Variants in RAB33B observed in about 807,000 individuals in gnomAD.
The protein encoded by RAB33B is RAB33B, member RAS oncogene family.
In RAB33B, 6 loss-of-function variants were observed where a neutral mutation model predicts 15.0. That is an observed-to-expected ratio of 0.40 (90% CI 0.22 to 0.79). The LOEUF (loss-of-function observed/expected upper bound fraction) is 0.79, where lower values mean the gene tolerates loss of function less well. Among genes scored for constraint, RAB33B ranks in the 30% least tolerant of loss-of-function variants. RAB33B has a pLI of 0.37. For synonymous variants in RAB33B, 117 were observed against 108.3 expected, an observed-to-expected ratio of 1.08 and a Z score of -0.50; for missense variants, 257 against 296.4, an observed-to-expected ratio of 0.87 and a Z score of 0.98.
intron 1 of RAB33B, among the ~76,000 whole-genome samples, chr4:139,454,901 T>C (rs1009012345): frequency 6.6e-6 from 1 of 152,254 alleles, no homozygotes; most frequent in African/African-American, 2.4e-5. Context: ...CCTTAGATGT[T>C]GTGGAAGTAA....
intron 1 of RAB33B, among the ~76,000 whole-genome samples, chr4:139,466,689 G>A (rs986805229): frequency 4.7e-5 from 7 of 150,524 alleles, no homozygotes; most frequent in Admixed American, 1.3e-4. Context: ...AGCGATTCTC[G>A]TGCCTCAGAC....
At chr4:139,471,522 GTTTT>G in intron 1 of RAB33B, among the ~76,000 whole-genome samples, 1 of 135,642 alleles carries the variant, frequency 7.4e-6, no homozygotes, top group African/African-American at 2.7e-5. Context: ...TTCTTATGAA[GTTTT>G]TTTTTTTTTT....
At chr4:139,464,332 G>C (rs1750232533) in intron 1 of RAB33B, among the ~76,000 whole-genome samples, 2 of 147,748 alleles carry the variant, frequency 1.4e-5, no homozygotes, top group African/African-American at 5.0e-5. Context: ...TGGAAGACTT[G>C]ATATGATTAG....
At chr4:139,454,974 T>A (rs1243231640) in intron 1 of RAB33B, among the ~76,000 whole-genome samples, 1 of 152,232 alleles carries the variant, frequency 6.6e-6, no homozygotes, top group Non-Finnish European at 1.5e-5. Flanking sequence ...TGTAGTAGTT[T>A]CTTTATGATA....
the RAB33B span, among the ~76,000 whole-genome samples, chr4:139,447,412 G>C: frequency 6.6e-6 from 1 of 152,160 alleles, no homozygotes; most frequent in East Asian, 1.9e-4. Flanking sequence ...CACCCTTAGA[G>C]AGTCACTAGC....
intron 1 of RAB33B, among the ~76,000 whole-genome samples, chr4:139,470,848 T>C (rs966788025): frequency 2.0e-5 from 3 of 152,068 alleles, no homozygotes; most frequent in African/African-American, 4.8e-5. Context: ...AGGCCTGGAA[T>C]GAGGGCCTCA....
chr4:139,466,299 G>A (rs1750283781), intron 1 of RAB33B, among the ~76,000 whole-genome samples: 1 of 152,116 alleles, frequency 6.6e-6, no homozygotes, highest in African/African-American at 2.4e-5. Flanking sequence ...AGAAATAAAG[G>A]GAGAAATTAC....
At chr4:139,440,103 T>C in the RAB33B span, among the ~76,000 whole-genome samples, 2 of 152,218 alleles carry the variant, frequency 1.3e-5, no homozygotes, top group Non-Finnish European at 2.9e-5. Flanking sequence ...GGTTTGCTGT[T>C]TTTGTTACTG....
chr4:139,454,108 C>A (rs1417838537), upstream of RAB33B: 3 of 1,463,226 alleles, frequency 2.1e-6, no homozygotes, highest in Non-Finnish European at 2.7e-6. Context: ...CCGAACTGGC[C>A]GGCTGGGCGC....
the RAB33B span, among the ~76,000 whole-genome samples, chr4:139,442,471 T>C: frequency 1.3e-5 from 2 of 152,184 alleles, no homozygotes; most frequent in Non-Finnish European, 1.5e-5. Context: ...TGTGAGGGTG[T>C]TGCCAAAGGA....
chr4:139,461,135 C>T (rs1241435397), intron 1 of RAB33B, among the ~76,000 whole-genome samples: 1 of 152,120 alleles, frequency 6.6e-6, no homozygotes, highest in Non-Finnish European at 1.5e-5. Context: ...TCTCTGTCTG[C>T]CAGTTCCAAC....
chr4:139,465,792 C>T (rs866585695), intron 1 of RAB33B, among the ~76,000 whole-genome samples: 11 of 150,328 alleles, frequency 7.3e-5, no homozygotes, highest in African/African-American at 2.0e-4. Flanking sequence ...TGCAGTGGCA[C>T]GATTATGGCT....
intron 1 of RAB33B, among the ~76,000 whole-genome samples, chr4:139,470,610 C>T (rs1750370053): frequency 6.6e-6 from 1 of 152,196 alleles, no homozygotes; most frequent in Non-Finnish European, 1.5e-5. Context: ...AGGAGTTTTG[C>T]CCTATAGCCA....
At chr4:139,468,051 ACT>A (rs1349089826) in intron 1 of RAB33B, among the ~76,000 whole-genome samples, 2 of 150,170 alleles carry the variant, frequency 1.3e-5, no homozygotes, top group Non-Finnish European at 3.0e-5. Flanking sequence ...ACCATTTTCA[ACT>A]CTCTACGTCC....
At chr4:139,468,366 A>G (rs150677350) in intron 1 of RAB33B, among the ~76,000 whole-genome samples, 1 of 152,338 alleles carries the variant, frequency 6.6e-6, no homozygotes. Flanking sequence ...GGGTGGGGAC[A>G]CAGCCAAACC....
intron 1 of RAB33B, among the ~76,000 whole-genome samples, chr4:139,471,409 G>A (rs779424198): frequency 2.0e-5 from 3 of 152,120 alleles, no homozygotes; most frequent in Non-Finnish European, 2.9e-5. Flanking sequence ...GGGGTGCAGG[G>A]GGTGGGTGTT....
the RAB33B span, among the ~76,000 whole-genome samples, chr4:139,438,470 T>C: frequency 6.6e-6 from 1 of 152,164 alleles, no homozygotes; most frequent in Non-Finnish European, 1.5e-5. Context: ...CTCTTCATGA[T>C]ATAAAAGACT....
intron 1 of RAB33B, among the ~76,000 whole-genome samples, chr4:139,464,293 AAAAG>A (rs1232682317): frequency 6.6e-6 from 1 of 152,154 alleles, no homozygotes; most frequent in Non-Finnish European, 1.5e-5. Flanking sequence ...ATAAAAATAA[AAAAG>A]GGGTAATTTC....
At chr4:139,445,171 T>C in the RAB33B span, among the ~76,000 whole-genome samples, 7 of 152,272 alleles carry the variant, frequency 4.6e-5, no homozygotes, top group Non-Finnish European at 8.8e-5. Context: ...TATGTAGCCA[T>C]TGACTTGGCA....
Sources: allele counts gnomAD v4.1 joint callset (sites outside exome capture counted in the v4.1 genomes callset), GRCh38; gene constraint gnomAD v4.1.1; transcripts MANE v1.5; gene names NCBI Gene and HGNC (gene_info 2026-07-23, HGNC 2026-07-21).